Variants in LRMDA observed in about 807,000 individuals in gnomAD.
The protein encoded by LRMDA is leucine rich melanocyte differentiation associated.
Under a neutral mutation model 29.8 loss-of-function variants are expected in LRMDA, and 18 were observed. The ratio of observed to expected loss-of-function variants is 0.60; its 90% confidence interval spans 0.42 to 0.90. The LOEUF is 0.90. LRMDA is among the 40% of genes least tolerant of loss of function. The pLI is 0.00. For missense variants in LRMDA, 273 were observed against 273.9 expected (o/e 1.00, Z 0.02); for synonymous variants, 125 against 109.4 (o/e 1.14, Z -0.89).
rs189408285 is a variant in LRMDA at position 76,262,377 on chromosome 10, A to G, written c.517-62024A>G. 2.5e-3 allele frequency among the ~76,000 whole-genome samples: 375 copies of G among 152,242 alleles called. 10 individuals carry two copies. The highest frequency in any genetic ancestry group is 0.023 in the Admixed American group (346 of 15,296). ...ACTCATGTACGCGCTTCTCATCAAC[A>G]TGCTTTATTTTCTGAATGATTCTCC... On this transcript the variant is annotated intron_variant, in intron 5 of 6. Transcript: ENST00000611255.
chr10:76,030,893 G>C (rs1049390707), intron 2 of LRMDA, among the ~76,000 whole-genome samples: 8 of 152,216 alleles, frequency 5.3e-5, no homozygotes, highest in African/African-American at 1.9e-4. Flanking sequence ...TTTCCACCAG[G>C]TGGCTTTTGG....
At chr10:76,001,271 A>G (rs1229872587) in intron 2 of LRMDA, among the ~76,000 whole-genome samples, 3 of 152,230 alleles carry the variant, frequency 2.0e-5, no homozygotes, top group Non-Finnish European at 2.9e-5. Context: ...AAATGAAGTC[A>G]TCAACCATCA....
intron 2 of LRMDA, among the ~76,000 whole-genome samples, chr10:75,636,428 A>G (rs947506885): frequency 1.3e-5 from 2 of 152,212 alleles, no homozygotes; most frequent in Non-Finnish European, 2.9e-5. Context: ...AAATTAGAGA[A>G]TGAGGTAATG....
intron 2 of LRMDA, among the ~76,000 whole-genome samples, chr10:75,771,023 A>G (rs1324112535): frequency 6.6e-6 from 1 of 152,088 alleles, no homozygotes; most frequent in Non-Finnish European, 1.5e-5. Context: ...TTGCCACTGG[A>G]GGGGCTGGAA....
At chr10:76,201,199 C>T (rs1334377113) in intron 5 of LRMDA, among the ~76,000 whole-genome samples, 1 of 151,650 alleles carries the variant, frequency 6.6e-6, no homozygotes, top group Non-Finnish European at 1.5e-5. Context: ...TGGGTACAAG[C>T]GATTCTCCTG....
At chr10:75,442,049 T>C (rs981458931) in intron 2 of LRMDA, among the ~76,000 whole-genome samples, 2 of 152,228 alleles carry the variant, frequency 1.3e-5, no homozygotes, top group Non-Finnish European at 2.9e-5. Context: ...CACAGCTAAG[T>C]ATTGTTACTC....
intron 2 of LRMDA, among the ~76,000 whole-genome samples, chr10:75,444,752 T>A (rs926660450): frequency 1.3e-5 from 2 of 152,198 alleles, no homozygotes; most frequent in African/African-American, 4.8e-5. Context: ...CCAGAGAAAG[T>A]ATGGAGGAAA....
Position 75,800,776 on chromosome 10 carries a change from C to T in LRMDA, c.132-235232C>T, listed in dbSNP as rs1015990355. Among the ~76,000 whole-genome samples, 4 of 152,112 alleles carry T rather than the reference C, an allele frequency of 2.6e-5. No homozygotes were observed. The East Asian group carries it at 7.7e-4, about 29-fold the overall frequency. On this transcript the variant is annotated intron_variant, in intron 2 of 6. Coordinates refer to ENST00000611255, the MANE Select transcript of LRMDA (RefSeq NM_001305581.2). ...CCTGATTTTTCTTTTGACTGTGAGTCACATTTTTATGTTTCTTTGTATATG... is the reference window on the plus strand; with the variant it reads ...CCTGATTTTTCTTTTGACTGTGAGTTACATTTTTATGTTTCTTTGTATATG...
At chr10:75,922,930 C>T (rs1050266637) in intron 2 of LRMDA, among the ~76,000 whole-genome samples, 3 of 152,162 alleles carry the variant, frequency 2.0e-5, no homozygotes, top group Admixed American at 6.5e-5. Flanking sequence ...CACACTCTTA[C>T]AGTGTGCCAG....
intron 2 of LRMDA, among the ~76,000 whole-genome samples, chr10:75,479,180 G>A (rs1844829749): frequency 6.6e-6 from 1 of 152,094 alleles, no homozygotes; most frequent in African/African-American, 2.4e-5. Flanking sequence ...TGACGCTTAG[G>A]GAAAGCTTAG....
intron 4 of LRMDA, among the ~76,000 whole-genome samples, chr10:76,050,207 G>A (rs1479773852): frequency 6.6e-6 from 1 of 152,190 alleles, no homozygotes; most frequent in Non-Finnish European, 1.5e-5. Flanking sequence ...GCCAACCACT[G>A]GACCAGAAAT....
chr10:75,913,369 A>G (rs1352228232), intron 2 of LRMDA, among the ~76,000 whole-genome samples: 2 of 152,110 alleles, frequency 1.3e-5, no homozygotes, highest in East Asian at 1.9e-4. Context: ...AGGCAGGAGA[A>G]TCGCTTGAAC....
intron 2 of LRMDA, among the ~76,000 whole-genome samples, chr10:75,658,577 TC>T (rs1841709083): frequency 6.6e-6 from 1 of 152,176 alleles, no homozygotes; most frequent in Non-Finnish European, 1.5e-5. Flanking sequence ...CACATTTGCA[TC>T]TAAGAGGGAC....
At chr10:76,532,813 G>A (rs1843248682) in intron 6 of LRMDA, among the ~76,000 whole-genome samples, 1 of 152,112 alleles carries the variant, frequency 6.6e-6, no homozygotes, top group African/African-American at 2.4e-5. Flanking sequence ...GGAATGCATT[G>A]TTTTCTTCTT....
rs190183636 is a variant in LRMDA at position 76,501,476 on chromosome 10, T to A, written c.602-55733T>A. Among the ~76,000 whole-genome samples the A allele has an allele frequency of 4.3e-3, 659 of 152,076 alleles. 1 individual carries two copies. The highest frequency in any genetic ancestry group is 0.015 in the African/African-American group (617 of 41,536). ...TGCCTTCCACAGTGGCTGGACTAAT[T>A]TTCATTCTGACAGTGTGTAAGCATT... On this transcript the variant is annotated intron_variant, in intron 6 of 6. Coordinates refer to ENST00000611255, the MANE Select transcript of LRMDA (RefSeq NM_001305581.2).
chr10:76,537,579 C>T (rs540478347), intron 6 of LRMDA, among the ~76,000 whole-genome samples: 1 of 152,300 alleles, frequency 6.6e-6, no homozygotes, highest in East Asian at 1.9e-4. Flanking sequence ...GCCCCTTCCT[C>T]CATTTTCAGA....
chr10:75,895,330 A>G (rs752715818), intron 2 of LRMDA, among the ~76,000 whole-genome samples: 2 of 152,214 alleles, frequency 1.3e-5, no homozygotes, highest in Non-Finnish European at 2.9e-5. Flanking sequence ...CACAAACAAC[A>G]AAAGTGAATA....
rs1842687931 is a variant in LRMDA at position 76,477,527 on chromosome 10, T to G, written c.602-79682T>G. Among the ~76,000 whole-genome samples the G allele has an allele frequency of 2.0e-5, 3 of 152,114 alleles. No homozygotes were observed. In the South Asian group the frequency reaches 6.2e-4, roughly 32 times the overall value. ...ATCCCCATCAAGCTACCAATGACTT[T>G]CTTCACAGAATTGGAAAAAACTACT... On this transcript the variant is annotated intron_variant, in intron 6 of 6. Coordinates refer to ENST00000611255, the MANE Select transcript of LRMDA (RefSeq NM_001305581.2).
chr10:76,198,659 G>C (rs1010668950), intron 5 of LRMDA, among the ~76,000 whole-genome samples: 4 of 152,226 alleles, frequency 2.6e-5, no homozygotes, highest in African/African-American at 9.6e-5. Context: ...AAGTTGGAGG[G>C]TGGAATGAAG....
Sources: gnomAD v4.1 joint callset for allele counts (sites outside exome capture counted in the v4.1 genomes callset) on GRCh38, gnomAD v4.1.1 for gene constraint, MANE v1.5 for transcripts, NCBI Gene and HGNC (gene_info 2026-07-23, HGNC 2026-07-21) for gene names.